Variants in ERBB4 observed in about 807,000 individuals in gnomAD.
The protein encoded by ERBB4 is receptor tyrosine-protein kinase erbB-4.
ERBB4 carries 42 observed loss-of-function variants against 158.0 expected under a neutral mutation model. That is an observed-to-expected ratio of 0.27 (90% CI 0.21 to 0.34). The LOEUF is 0.34. Among genes scored for constraint, ERBB4 ranks in the 10% least tolerant of loss-of-function variants. ERBB4 has a pLI of 1.00. For synonymous variants in ERBB4, 583 were observed against 558.7 expected (o/e 1.04, Z -0.61); for missense variants, 1,333 against 1,624.1 (o/e 0.82, Z 3.08).
At chr2:212,422,970 T>G (rs2091829910) in intron 1 of ERBB4, among the ~76,000 whole-genome samples, 1 of 152,182 alleles carries the variant, frequency 6.6e-6, no homozygotes, top group African/African-American at 2.4e-5. Flanking sequence ...TACCACAGAG[T>G]ACAATAGCTT....
At chr2:211,720,983 C>T (rs1349056307) in intron 7 of ERBB4, among the ~76,000 whole-genome samples, 2 of 152,178 alleles carry the variant, frequency 1.3e-5, no homozygotes, top group Non-Finnish European at 2.9e-5. Flanking sequence ...CTTTGGAAAA[C>T]CTGCCATTGG....
At chr2:211,844,305 C>T (rs565408464) in intron 3 of ERBB4, among the ~76,000 whole-genome samples, 19 of 152,228 alleles carry the variant, frequency 1.2e-4, no homozygotes, top group South Asian at 8.3e-4. Flanking sequence ...CTTATTAACA[C>T]CTTCACATTT....
intron 2 of ERBB4, among the ~76,000 whole-genome samples, chr2:212,099,573 GC>G (rs891149508): frequency 5.3e-5 from 8 of 152,098 alleles, no homozygotes; most frequent in Admixed American, 4.6e-4. Flanking sequence ...GCATGTGATA[GC>G]CATAGATATG....
chr2:211,802,206 C>A (rs2076513951), intron 3 of ERBB4, among the ~76,000 whole-genome samples: 1 of 151,818 alleles, frequency 6.6e-6, no homozygotes, highest in African/African-American at 2.4e-5. Flanking sequence ...TTGCAGTGAG[C>A]CGAGATAGCG....
At chr2:211,906,231 C>A (rs2079389140) in intron 3 of ERBB4, among the ~76,000 whole-genome samples, 1 of 151,988 alleles carries the variant, frequency 6.6e-6, no homozygotes, top group Non-Finnish European at 1.5e-5. Context: ...ATTGGATGTG[C>A]AGAGACATGT....
At chr2:212,231,544 G>A (rs547088400) in intron 1 of ERBB4, among the ~76,000 whole-genome samples, 30 of 152,316 alleles carry the variant, frequency 2.0e-4, no homozygotes, top group Non-Finnish European at 3.7e-4. Context: ...TCAGGAAATG[G>A]CAATTACATG....
chr2:211,588,766 A>G (rs2068369138), intron 19 of ERBB4, among the ~76,000 whole-genome samples: 1 of 152,126 alleles, frequency 6.6e-6, no homozygotes, highest in Non-Finnish European at 1.5e-5. Context: ...CCATTGAGAA[A>G]ATCACATGAT....
intron 1 of ERBB4, among the ~76,000 whole-genome samples, chr2:212,449,269 A>G (rs938112941): frequency 2.6e-5 from 4 of 152,186 alleles, no homozygotes; most frequent in African/African-American, 9.6e-5. Flanking sequence ...ATGCACATTA[A>G]TCAACTAAAA....
At chr2:211,500,292 G>C (rs904908922) in intron 20 of ERBB4, among the ~76,000 whole-genome samples, 2 of 151,928 alleles carry the variant, frequency 1.3e-5, no homozygotes, top group Non-Finnish European at 2.9e-5. Context: ...ACTATAAATA[G>C]CAACAGACAT....
chr2:212,412,094 A>G (rs1340872306), intron 1 of ERBB4, among the ~76,000 whole-genome samples: 2 of 152,188 alleles, frequency 1.3e-5, no homozygotes, highest in Non-Finnish European at 2.9e-5. Context: ...AGACATACTC[A>G]TGGAAAGAAT....
rs114416708 is a variant in ERBB4, at chr2:212,376,359, C to T, written c.82+162090G>A. ...CAGTCAAGAGCAAAGGTTGTGGCAA[C>T]AGTTTTTTGGGATGCTCAAGGCATT... On this transcript the variant is annotated intron_variant, in intron 1 of 27. Transcript: ENST00000342788. Among the ~76,000 whole-genome samples the T allele has an allele frequency of 2.7e-3, 408 of 152,170 alleles. 2 individuals are homozygous for T. The highest frequency in any genetic ancestry group is 9.0e-3 in the African/African-American group (376 of 41,556).
chr2:212,367,960 G>T (rs1238444975), intron 1 of ERBB4, among the ~76,000 whole-genome samples: 1 of 152,064 alleles, frequency 6.6e-6, no homozygotes, highest in Non-Finnish European at 1.5e-5. Flanking sequence ...GCGGTGAATA[G>T]GGAACACTTC....
chr2:211,929,804 A>G (rs1239657374), intron 3 of ERBB4, among the ~76,000 whole-genome samples: 2 of 151,566 alleles, frequency 1.3e-5, no homozygotes, highest in Non-Finnish European at 2.9e-5. Context: ...ATATAGACAT[A>G]TAAATGCATC....
At chr2:211,535,197 G>GA (rs1169126062) in intron 20 of ERBB4, among the ~76,000 whole-genome samples, 21 of 152,010 alleles carry the variant, frequency 1.4e-4, no homozygotes, top group Middle Eastern at 6.8e-3. Flanking sequence ...AAGATGTGGA[G>GA]AAAAAATGAA....
intron 2 of ERBB4, among the ~76,000 whole-genome samples, chr2:211,978,732 T>C (rs778095238): frequency 6.6e-6 from 1 of 152,204 alleles, no homozygotes; most frequent in Non-Finnish European, 1.5e-5. Context: ...CTAAGTACCA[T>C]ACTCAATTCC....
Position 211,415,218 on chromosome 2 carries a change from G to A in ERBB4, c.3135+5223C>T, listed in dbSNP as rs549285118. ...TGCAAGCTCCGCCTCCCGGGTTCAC[G>A]CCATTCTCCTGCCTCAGCCTCCCGA... On this transcript the variant is annotated intron_variant, in intron 25 of 27. Coordinates refer to ENST00000342788, the MANE Select transcript of ERBB4 (RefSeq NM_005235.3). Among the ~76,000 whole-genome samples, 10 of 138,280 alleles carry A rather than the reference G, an allele frequency of 7.2e-5. No homozygotes were observed. In the South Asian group the frequency reaches 9.9e-4, roughly 14 times the overall value. The allele number at this position is 138,280 out of a possible 152,430, so 90.7% of individuals were successfully genotyped here. A position where few individuals can be genotyped will look rare whatever the true frequency, so the allele number is the denominator to read the frequency against.
At chr2:212,474,946 T>C (rs1209458278) in intron 1 of ERBB4, among the ~76,000 whole-genome samples, 3 of 149,930 alleles carry the variant, frequency 2.0e-5, no homozygotes, top group African/African-American at 4.9e-5. Flanking sequence ...CACACCTCCA[T>C]GCCCAGCTAT....
chr2:212,429,842 G>A (rs1397296295), intron 1 of ERBB4, among the ~76,000 whole-genome samples: 1 of 152,138 alleles, frequency 6.6e-6, no homozygotes, highest in African/African-American at 2.4e-5. Context: ...ACTGTGGAAA[G>A]TAATTAAAAT....
At chr2:212,158,491 CT>C (rs2081108596) in intron 1 of ERBB4, among the ~76,000 whole-genome samples, 1 of 152,044 alleles carries the variant, frequency 6.6e-6, no homozygotes, top group African/African-American at 2.4e-5. Context: ...AAGTCCCTAT[CT>C]ATCCATCTTT....
Sources: allele counts gnomAD v4.1 joint callset (sites outside exome capture counted in the v4.1 genomes callset), GRCh38; gene constraint gnomAD v4.1.1; transcripts MANE v1.5; gene names NCBI Gene and HGNC (gene_info 2026-07-23, HGNC 2026-07-21).